Variants in MFAP1 observed in about 807,000 individuals in gnomAD.
MFAP1 encodes the protein microfibrillar-associated protein 1.
In MFAP1, 18 loss-of-function variants were observed where a neutral mutation model predicts 62.2. The ratio of observed to expected loss-of-function variants is 0.29; its 90% confidence interval spans 0.20 to 0.43. The LOEUF is 0.43. MFAP1 is among the 20% of genes least tolerant of loss of function. The probability of loss-of-function intolerance (pLI) is 1.00; values close to 1 mark genes in which losing one functional copy is unlikely to be tolerated. For synonymous variants in MFAP1, 175 were observed against 180.4 expected (o/e 0.97, Z 0.24); for missense variants, 355 against 559.7 (o/e 0.63, Z 3.69).
At chr15:43,809,966 C>T (rs1440202825) in intron 6 of MFAP1, 52 bp from the exon 7 acceptor site, 2 of 1,589,910 alleles carry the variant, frequency 1.3e-6, no homozygotes, top group Middle Eastern at 1.7e-4. Flanking sequence ...TCAGAAAGAC[C>T]AAATTATCTG....
rs1352744970 is a variant in MFAP1 at position 43,805,261 on chromosome 15, G to A, written c.1153C>T (p.Arg385Cys). The change falls in exon 9 of 9, where the codon CGC (arginine) becomes TGC (cysteine). Residue 385 changes from arginine (R) to cysteine (C), a missense_variant. This residue lies in a region of MFAP1 where 44 missense variants were observed against 80.8 expected (regional missense o/e 0.54). Transcript: ENST00000267812. ...PKVMQVKNFG[R>C]SGRTKYTHLV... ...TGAGTGTATTTGGTGCGACCTGAGCGTCCAAAGTTCTTGACCTGAGGGAAG... is the reference window on the plus strand; with the variant it reads ...TGAGTGTATTTGGTGCGACCTGAGCATCCAAAGTTCTTGACCTGAGGGAAG... The A allele has an allele frequency of 6.3e-7, 1 of 1,596,224 alleles. No homozygotes were observed.
At chr15:43,818,155 G>T (rs2087445864) in intron 1 of MFAP1, among the ~76,000 whole-genome samples, 1 of 151,992 alleles carries the variant, frequency 6.6e-6, no homozygotes, top group African/African-American at 2.4e-5. Flanking sequence ...GAGTAGCTGG[G>T]ACTACAGACG....
intron 4 of MFAP1, 37 bp downstream of exon 4, chr15:43,814,464 A>G: frequency 2.6e-6 from 4 of 1,560,844 alleles, no homozygotes; most frequent in Non-Finnish European, 3.5e-6. Flanking sequence ...GAAAGTGGTA[A>G]TTAAGTGGAT....
chr15:43,813,435 A>C, intron 4 of MFAP1, 78 bp from the exon 5 acceptor site: 1 of 1,336,174 alleles, frequency 7.5e-7, no homozygotes. Flanking sequence ...AGTCCCATCC[A>C]AATCAGACAA....
At chr15:43,809,521 A>AT (rs1279983064) in intron 7 of MFAP1, among the ~76,000 whole-genome samples, 2 of 151,280 alleles carry the variant, frequency 1.3e-5, no homozygotes, top group Non-Finnish European at 2.9e-5. Context: ...CTATTACATC[A>AT]TTTCCTATTT....
chr15:43,818,089 G>C (rs968475480), intron 1 of MFAP1, among the ~76,000 whole-genome samples: 1 of 149,110 alleles, frequency 6.7e-6, no homozygotes, highest in Admixed American at 6.8e-5. Context: ...GCGTGGTCTC[G>C]GCTCACTGCA....
At chr15:43,819,025 C>G (rs1466528518) in intron 1 of MFAP1, among the ~76,000 whole-genome samples, 2 of 152,148 alleles carry the variant, frequency 1.3e-5, no homozygotes, top group Non-Finnish European at 2.9e-5. Context: ...AACTCCGTCT[C>G]TACTAAAAAT....
At chr15:43,813,457 T>C in intron 4 of MFAP1, 100 bp from the exon 5 acceptor site, 1 of 1,055,920 alleles carries the variant, frequency 9.5e-7, no homozygotes, top group South Asian at 1.7e-5. Flanking sequence ...AACCAAACAA[T>C]CTTTGGCTCT....
chr15:43,819,308 G>T (rs1344407135), intron 1 of MFAP1, among the ~76,000 whole-genome samples: 1 of 152,080 alleles, frequency 6.6e-6, no homozygotes, highest in Non-Finnish European at 1.5e-5. Context: ...ATTTTTGTTT[G>T]TTATTTTTTA....
Position 43,824,684 on chromosome 15 carries a change from G to T in MFAP1, c.-115C>A. On this transcript the variant is annotated 5_prime_UTR_variant, in exon 1 of 9. Transcript: ENST00000267812. ...CCTGAGTCCGCGAACACAGCTGCGC[G>T]ACTGATAGAGAAACTACTTACGGCT... 3.9e-6 allele frequency: 4 copies of T among 1,013,122 alleles called. No homozygotes were observed. The highest frequency in any genetic ancestry group is 6.1e-6 in the Non-Finnish European group (4 of 656,710). The allele number at this position is 1,013,122 out of a possible 1,614,324, so 62.8% of individuals were successfully genotyped here. A position where few individuals can be genotyped will look rare whatever the true frequency, so the allele number is the denominator to read the frequency against.
chr15:43,812,896 G>A (rs1045361201), intron 6 of MFAP1, 91 bp downstream of exon 6: 2 of 1,423,368 alleles, frequency 1.4e-6, no homozygotes, highest in Admixed American at 2.2e-5. Context: ...TGGCTAGAAT[G>A]GAACTCACAG....
chr15:43,818,492 T>C (rs1399843522), intron 1 of MFAP1, among the ~76,000 whole-genome samples: 4 of 83,878 alleles, frequency 4.8e-5, no homozygotes, highest in Non-Finnish European at 7.0e-5. Flanking sequence ...ATCCCAGCAA[T>C]ATAAAAACTA....
At chr15:43,812,919 C>T (rs2087410825) in intron 6 of MFAP1, 68 bp downstream of exon 6, 2 of 1,562,486 alleles carry the variant, frequency 1.3e-6, no homozygotes, top group Admixed American at 3.6e-5. Flanking sequence ...GGTAATGAGT[C>T]TCAGAGCTAT....
intron 6 of MFAP1, among the ~76,000 whole-genome samples, chr15:43,811,432 C>A (rs1437929600): frequency 7.0e-6 from 1 of 143,478 alleles, no homozygotes; most frequent in Non-Finnish European, 1.5e-5. Flanking sequence ...AAAAAAAAAA[C>A]CAAAAACAAA....
intron 4 of MFAP1, 120 bp from the exon 5 acceptor site, chr15:43,813,477 A>C: frequency 1.1e-6 from 1 of 923,316 alleles, no homozygotes; most frequent in Non-Finnish European, 1.6e-6. Flanking sequence ...TATTATTTTC[A>C]AAGAGCAAAA....
chr15:43,816,627 T>C (rs1596057920), intron 2 of MFAP1, among the ~76,000 whole-genome samples: 1 of 152,268 alleles, frequency 6.6e-6, no homozygotes, highest in East Asian at 1.9e-4. Context: ...ACTTAATAAC[T>C]AAAATAAACA....
At chr15:43,817,512 G>A in intron 1 of MFAP1, 64 bp from the exon 2 acceptor site, 2 of 1,546,168 alleles carry the variant, frequency 1.3e-6, no homozygotes, top group Non-Finnish European at 1.8e-6. Flanking sequence ...ACCCATCACG[G>A]CCTTTGCAAA....
intron 7 of MFAP1, among the ~76,000 whole-genome samples, chr15:43,807,921 G>A (rs966259160): frequency 7.2e-5 from 11 of 152,178 alleles, no homozygotes; most frequent in Non-Finnish European, 1.5e-4. Flanking sequence ...GGCCAAGGTG[G>A]AAGGAGAGTT....
intron 4 of MFAP1, 128 bp downstream of exon 4, chr15:43,814,373 G>C (rs2087421664): frequency 9.9e-7 from 1 of 1,012,986 alleles, no homozygotes; most frequent in Non-Finnish European, 1.5e-6. Context: ...GCCAAGGGTA[G>C]AGCACTAGCA....
Sources: gnomAD v4.1 joint callset for allele counts (sites outside exome capture counted in the v4.1 genomes callset) on GRCh38, gnomAD v4.1.1 for gene constraint, gnomAD v4.1.1 regional missense constraint, MANE v1.5 for transcripts, NCBI Gene and HGNC (gene_info 2026-07-23, HGNC 2026-07-21) for gene names.